The following IQCH variants were observed in gnomAD, a reference collection of about 807,000 sequenced individuals.
IQCH encodes IQ domain-containing protein H.
In IQCH, 98 loss-of-function variants were observed where a neutral mutation model predicts 117.0. The ratio of observed to expected loss-of-function variants is 0.84; its 90% CI spans 0.71 to 0.99. The LOEUF is 0.99. Ranked by LOEUF, IQCH falls within the 50% of genes least tolerant of loss-of-function variation. The probability of loss-of-function intolerance (pLI) is 0.00; values close to 1 mark genes in which losing one functional copy is unlikely to be tolerated. For synonymous variants in IQCH, 412 were observed against 448.2 expected (o/e 0.92, Z 1.02); for missense variants, 1,102 against 1,243.8 (o/e 0.89, Z 1.72).
Position 67,337,048 on chromosome 15 carries a change from A to T in IQCH, c.461A>T (p.Asp154Val). Reference sequence around the variant, plus strand: ...GTTCTGCCATCTTCTCATTGCACAGATCCCTATTTCACTCCTATACCAGTC... The same window carrying T: ...GTTCTGCCATCTTCTCATTGCACAGTTCCCTATTTCACTCCTATACCAGTC... ...LTVLPSSHCT[D>V]PYFTPIPVLQ... is the part of the protein sequence containing the mutation. The change falls in exon 5 of 21, where the codon GAT (aspartate) becomes GTT (valine). Residue 154 changes from aspartate to valine, a missense_variant. Around this residue, in one of 2 missense-constraint regions of IQCH, gnomAD observed 452 missense variants for 449.6 expected, o/e 1.01. Coordinates refer to ENST00000335894, the MANE Select transcript of IQCH (RefSeq NM_001031715.3). 2 of 1,613,716 alleles carry T rather than the reference A, an allele frequency of 1.2e-6. No homozygotes were observed. The highest frequency in any genetic ancestry group is 1.7e-6 in the Non-Finnish European group (2 of 1,179,728).
chr15:67,394,516 C>T (rs1337933765), intron 12 of IQCH, among the ~76,000 whole-genome samples: 1 of 152,062 alleles, frequency 6.6e-6, no homozygotes, highest in Non-Finnish European at 1.5e-5. Flanking sequence ...TGTGTCCCCA[C>T]CCCTCAAAAA....
At position 67,458,965 on chromosome 15, in the gene IQCH, C is replaced by T. The variant is rs769273092; in HGVS notation, c.2506-6162C>T. Among the ~76,000 whole-genome samples, 15 of 152,172 alleles carry T rather than the reference C, an allele frequency of 9.9e-5. No individual in the cohort carries two copies. Among genetic ancestry groups the T allele is most frequent in the African/African-American group, 3.1e-4 (13 of 41,438 alleles). ...GAGTGCCTGTCTTTTTAAAAATTTT[C>T]GGCAATATGATAAATATACACAATT... On this transcript the variant is annotated intron_variant, in intron 16 of 20. Transcript: ENST00000335894. This position sits in a 1 kb window ranked among gnomAD's most constrained non-coding sequence, Gnocchi z 4.1.
chr15:67,367,316 G>A (rs554603600), intron 8 of IQCH, among the ~76,000 whole-genome samples: 1 of 152,218 alleles, frequency 6.6e-6, no homozygotes, highest in East Asian at 1.9e-4. Flanking sequence ...TGGGTGGATC[G>A]CTTGAGGCCA....
intron 5 of IQCH, among the ~76,000 whole-genome samples, chr15:67,340,452 A>AAAAC (rs1969114484): frequency 6.0e-5 from 7 of 116,286 alleles, no homozygotes; most frequent in East Asian, 5.3e-4. Context: ...AAAAAAAAAA[A>AAAAC]AAAAAAAAAA....
intron 20 of IQCH, among the ~76,000 whole-genome samples, chr15:67,495,306 C>A (rs1001884082): frequency 6.6e-6 from 1 of 152,158 alleles, no homozygotes; most frequent in South Asian, 2.1e-4. Context: ...AAAGACAGAC[C>A]AAATGTTACA....
At chr15:67,478,794 G>T (rs990583168) in intron 18 of IQCH, among the ~76,000 whole-genome samples, 1 of 151,844 alleles carries the variant, frequency 6.6e-6, no homozygotes, top group African/African-American at 2.4e-5. Context: ...TGTGTTGGCA[G>T]GCGCCTGTAA....
rs1231837103 is a variant in IQCH, at chr15:67,422,227, G to A, written c.2505+650G>A. Among the ~76,000 whole-genome samples, 1 of 152,126 alleles carries A rather than the reference G, an allele frequency of 6.6e-6. No homozygotes were observed. Among genetic ancestry groups the A allele is most frequent in the African/African-American group, 2.4e-5 (1 of 41,412 alleles). On this transcript the variant is annotated intron_variant, in intron 16 of 20. Transcript: ENST00000335894. The surrounding 1 kb of genome is among the most constrained non-coding windows in gnomAD (Gnocchi z 4.7). The stretch of plus-strand genomic sequence containing the variant: ...AACTATTTTATGCCATCCAGGGAGT[G>A]GAACCGGTCTAGAGCCTGTTTTATA...
At chr15:67,336,659 A>G (rs1226688963) in intron 4 of IQCH, among the ~76,000 whole-genome samples, 1 of 152,184 alleles carries the variant, frequency 6.6e-6, no homozygotes, top group Non-Finnish European at 1.5e-5. Flanking sequence ...TCCTCTGTCA[A>G]GATTTAGCAT....
intron 20 of IQCH, among the ~76,000 whole-genome samples, chr15:67,498,960 C>G (rs60359108): frequency 0.075 from 11,443 of 152,072 alleles, 587 homozygotes; most frequent in East Asian, 0.13. Flanking sequence ...ACAAATAACC[C>G]AATTTTAAAA....
intron 20 of IQCH, among the ~76,000 whole-genome samples, chr15:67,497,095 A>C (rs2083838963): frequency 6.6e-6 from 1 of 152,058 alleles, no homozygotes; most frequent in African/African-American, 2.4e-5. Context: ...TAAATAGAAA[A>C]TCCTATGAAG....
intron 18 of IQCH, among the ~76,000 whole-genome samples, chr15:67,486,722 C>T (rs1033299446): frequency 2.6e-5 from 4 of 151,850 alleles, no homozygotes; most frequent in African/African-American, 4.8e-5. Flanking sequence ...CTTGGAGCAA[C>T]GTTTTTTAAA....
In IQCH at chr15:67,369,785, C is replaced by A. The variant is rs1214133631; in HGVS notation, c.754-2326C>A. ...TGGATCTCACAATGCTGATGCACTG[C>A]TTTAATTTGGGAAGCCTTTCTCTTG... On this transcript the variant is annotated intron_variant, in intron 8 of 20. Coordinates refer to ENST00000335894, the MANE Select transcript of IQCH (RefSeq NM_001031715.3). The surrounding 1 kb of genome is among the most constrained non-coding windows in gnomAD (Gnocchi z 5.2). Among the ~76,000 whole-genome samples, 3 of 152,146 alleles carry A rather than the reference C, an allele frequency of 2.0e-5. No individual in the cohort carries two copies. Among genetic ancestry groups the A allele is most frequent in the African/African-American group, 7.2e-5 (3 of 41,434 alleles).
At chr15:67,412,061 G>A (rs1233524392) in intron 14 of IQCH, among the ~76,000 whole-genome samples, 1 of 152,158 alleles carries the variant, frequency 6.6e-6, no homozygotes, top group African/African-American at 2.4e-5. Flanking sequence ...GGCAAAGATG[G>A]GGCTGAAGTT....
rs138390226 is a variant in IQCH at position 67,341,020 on chromosome 15, T to C, written c.509-3043T>C. 6.5e-3 allele frequency among the ~76,000 whole-genome samples: 992 copies of C among 152,180 alleles called. 16 individuals are homozygous for C. Among genetic ancestry groups the C allele is most frequent in the African/African-American group, 0.022 (924 of 41,518 alleles). ...GGAGTCCGGGAGTTTGAGACCAGCC[T>C]GGGCAAAATGGCAAAACCGCAACCC... On this transcript the variant is annotated intron_variant, in intron 5 of 20. Transcript: ENST00000335894.
chr15:67,280,126 C>T (rs1966292077), intron 4 of IQCH, among the ~76,000 whole-genome samples: 1 of 152,104 alleles, frequency 6.6e-6, no homozygotes, highest in Admixed American at 6.5e-5. Context: ...AGTTAGAAAA[C>T]ATAATGTATA....
At chr15:67,477,186 G>A (rs2083226181) in intron 18 of IQCH, among the ~76,000 whole-genome samples, 2 of 151,372 alleles carry the variant, frequency 1.3e-5, no homozygotes, top group Middle Eastern at 3.4e-3. Flanking sequence ...GAGTAGCTGC[G>A]ATTACGGGCA....
intron 16 of IQCH, among the ~76,000 whole-genome samples, chr15:67,435,451 G>T (rs1255084432): frequency 2.0e-5 from 3 of 151,976 alleles, no homozygotes; most frequent in Non-Finnish European, 1.5e-5. Context: ...GGGTGTGGTG[G>T]TTCAAACCTG....
rs1364930448 is a variant in IQCH, at chr15:67,319,477, C to T, written c.388-17498C>T. Among the ~76,000 whole-genome samples, 10 of 152,152 alleles carry T rather than the reference C, an allele frequency of 6.6e-5. No individual in the cohort carries two copies. The South Asian group carries it at 1.7e-3, about 25-fold the overall frequency. On this transcript the variant is annotated intron_variant, in intron 4 of 20. Transcript: ENST00000335894. ...AGTTCTCACCATCCATAATTCTGAT[C>T]GAAGTCTGTTTCCTTTGGTTTCCTT...
intron 18 of IQCH, among the ~76,000 whole-genome samples, chr15:67,484,574 CAAAAAA>C (rs61010661): frequency 8.0e-6 from 1 of 125,558 alleles, no homozygotes; most frequent in Middle Eastern, 3.8e-3. Flanking sequence ...ACTAAAAATA[CAAAAAA>C]AAAAAAAAAA....
Sources: gnomAD v4.1 joint callset for allele counts (sites outside exome capture counted in the v4.1 genomes callset) on GRCh38, gnomAD v4.1.1 for gene constraint, gnomAD v4.1.1 regional missense constraint, Gnocchi (gnomAD v3.1) non-coding constraint, MANE v1.5 for transcripts, NCBI Gene and HGNC (gene_info 2026-07-23, HGNC 2026-07-21) for gene names.